Variants in SEMA5B observed in about 807,000 individuals in gnomAD.
The protein encoded by SEMA5B is semaphorin-5B.
A neutral mutation model predicts 135.0 loss-of-function variants in SEMA5B; 66 were observed. The ratio of observed to expected loss-of-function variants is 0.49; its 90% CI spans 0.40 to 0.60. The LOEUF (loss-of-function observed/expected upper bound fraction) is 0.60. Among genes scored for constraint, SEMA5B ranks in the 20% least tolerant of loss-of-function variants. SEMA5B has a pLI of 0.00. For missense variants in SEMA5B, 1,501 were observed against 1,566.3 expected, an observed-to-expected ratio of 0.96 and a Z score of 0.70; for synonymous variants, 690 against 639.5, an observed-to-expected ratio of 1.08 and a Z score of -1.19.
intron 1 of SEMA5B, among the ~76,000 whole-genome samples, chr3:122,968,653 T>A (rs1435816341): frequency 6.6e-6 from 1 of 152,170 alleles, no homozygotes; most frequent in Non-Finnish European, 1.5e-5. Context: ...GTTAATAATG[T>A]CTCTGTGGGC....
At chr3:122,978,341 G>A (rs549275920) in intron 1 of SEMA5B, among the ~76,000 whole-genome samples, 1 of 152,210 alleles carries the variant, frequency 6.6e-6, no homozygotes, top group Admixed American at 6.5e-5. Flanking sequence ...ACTGAGCTGG[G>A]GAAGCGAGCA....
Position 123,009,859 on chromosome 3 carries a change from G to A in SEMA5B, c.-39+17605C>T, listed in dbSNP as rs143261919. 2.4e-3 allele frequency among the ~76,000 whole-genome samples: 363 copies of A among 152,304 alleles called. 1 individual carries two copies. The highest frequency in any genetic ancestry group is 7.9e-3 in the African/African-American group (330 of 41,556). On this transcript the variant is annotated intron_variant, in intron 1 of 22. Coordinates refer to ENST00000357599, the MANE Select transcript of SEMA5B (RefSeq NM_001031702.4). ...TCGACACACATTTACTGAGGCCTTG[G>A]TGCCTGGCTTTGGGCTGGGCAAAGA...
Position 122,913,989 on chromosome 3 carries a change from C to T in SEMA5B, c.2001G>A (p.Trp667Ter), listed in dbSNP as rs1234258775. ...HIANCSRNGA[W>*]TPWSSWALCS... is the part of the protein sequence containing the mutation. ...ACAGCGCCCACGATGACCACGGGGT[C>T]CACGCCCCATTCCTGGCGGGGTGGG... The change falls in exon 15 of 23, where the codon TGG becomes TGA. Residue 667 changes from tryptophan (W) to a stop codon, truncating the protein, a stop_gained. Coordinates refer to ENST00000357599, the MANE Select transcript of SEMA5B (RefSeq NM_001031702.4). LOFTEE classifies it high-confidence loss of function. 1 of 1,597,058 alleles carries T rather than the reference C, an allele frequency of 6.3e-7. No homozygotes were observed. Among genetic ancestry groups the T allele is most frequent in the East Asian group, 2.2e-5 (1 of 44,652 alleles).
intron 9 of SEMA5B, 22 bp from the exon 10 acceptor site, chr3:122,923,774 C>T (rs779933339): frequency 8.7e-6 from 14 of 1,613,758 alleles, no homozygotes; most frequent in Admixed American, 6.7e-5. Flanking sequence ...GAAGTGGTGG[C>T]ACAGGGCCCT....
In SEMA5B at chr3:122,926,615, C is replaced by T. The variant is rs139156063; in HGVS notation, c.913G>A (p.Ala305Thr). ...LFAYFFLREN[A>T]VEHDCGRTVY... ...GTGCGTCCACAGTCGTGCTCCACTG[C>T]GTTCTCCCGCAGGAAGAAGTATGCA... Residue 305 changes from alanine (A) to threonine (T), a missense_variant, in exon 9 of 23, where the codon GCA (alanine) becomes ACA (threonine). This residue lies in a region of SEMA5B where 574 missense variants were observed against 684.7 expected (regional missense o/e 0.84). Transcript: ENST00000357599. The T allele has an allele frequency of 2.1e-5, 34 of 1,614,228 alleles. No individual in the cohort carries two copies. Among genetic ancestry groups the T allele is most frequent in the African/African-American group, 1.7e-4 (13 of 75,056 alleles).
Position 122,988,090 on chromosome 3 carries a change from C to A in SEMA5B, c.-38-26789G>T, listed in dbSNP as rs975363974. ...CCATGCAGAAACCCTGGCTGCTGGC[C>A]CCCAGCCACAGAGATCCTGATTCTC... On this transcript the variant is annotated intron_variant, in intron 1 of 22. Coordinates refer to ENST00000357599, the MANE Select transcript of SEMA5B (RefSeq NM_001031702.4). Among the ~76,000 whole-genome samples the A allele has an allele frequency of 2.0e-5, 3 of 152,124 alleles. No individual in the cohort carries two copies. In the East Asian group the frequency reaches 5.8e-4, roughly 29 times the overall value.
chr3:122,967,113 G>A (rs943170886), intron 1 of SEMA5B, among the ~76,000 whole-genome samples: 12 of 147,854 alleles, frequency 8.1e-5, no homozygotes, highest in Middle Eastern at 4.0e-3. Context: ...TTGAACCCCC[G>A]ACCTCAGGTG....
intron 9 of SEMA5B, among the ~76,000 whole-genome samples, chr3:122,925,570 A>G (rs533157366): frequency 1.3e-5 from 2 of 152,140 alleles, no homozygotes; most frequent in East Asian, 3.9e-4. Flanking sequence ...CTGGAGGCTG[A>G]GAGTCAGGAG....
chr3:122,919,088 G>C (rs12497402), intron 12 of SEMA5B, among the ~76,000 whole-genome samples: 1 of 148,732 alleles, frequency 6.7e-6, no homozygotes, highest in Non-Finnish European at 1.5e-5. Flanking sequence ...GTGTGACAGA[G>C]ATGGATGGTG....
At chr3:122,956,827 G>A (rs1940339588) in intron 2 of SEMA5B, among the ~76,000 whole-genome samples, 3 of 152,190 alleles carry the variant, frequency 2.0e-5, no homozygotes, top group Admixed American at 1.3e-4. Flanking sequence ...AGCAGCTGAT[G>A]TGAGTGCCCT....
intron 1 of SEMA5B, among the ~76,000 whole-genome samples, chr3:123,018,916 G>A (rs2107821788): frequency 6.6e-6 from 1 of 152,310 alleles, no homozygotes; most frequent in Non-Finnish European, 1.5e-5. Flanking sequence ...TGGAATCTTG[G>A]CAGCTGGTCA....
rs905650661 is a variant in SEMA5B, at chr3:123,027,624, C to T, written c.-199G>A. 6.6e-6 allele frequency: 1 copy of T among 152,180 alleles called. No homozygotes were observed. The highest frequency in any genetic ancestry group is 2.4e-5 in the African/African-American group (1 of 41,446). The allele number at this position is 152,180 out of a possible 1,614,324, so 9.4% of individuals were successfully genotyped here. ...TCAGCGCTCCGGTGCAGTCCCCACCCGGGCCCGCGCCCGCTGCGCTCGGGC... is the reference window on the plus strand; with the variant it reads ...TCAGCGCTCCGGTGCAGTCCCCACCTGGGCCCGCGCCCGCTGCGCTCGGGC... On this transcript the variant is annotated 5_prime_UTR_variant, in exon 1 of 23. Coordinates refer to ENST00000357599, the MANE Select transcript of SEMA5B (RefSeq NM_001031702.4).
At chr3:123,003,274 C>T (rs1942226992) in intron 1 of SEMA5B, among the ~76,000 whole-genome samples, 1 of 152,108 alleles carries the variant, frequency 6.6e-6, no homozygotes, top group African/African-American at 2.4e-5. Context: ...AAAAGTGCCC[C>T]CACTAAAACC....
rs1477264935 is a variant in SEMA5B at position 122,928,411 on chromosome 3, G to A, written c.636+106C>T. 4.2e-6 allele frequency: 3 copies of A among 714,362 alleles called. No homozygotes were observed. The East Asian group carries it at 8.3e-5, about 20-fold the overall frequency. The allele number at this position is 714,362 out of a possible 1,614,324, so 44.3% of individuals were successfully genotyped here. ...GGGTGTCCTTTTGTTTCTGTTTTGG[G>A]TGTCTGTTTGCAAAATTTGGTAACC... On this transcript the variant is annotated intron_variant, in intron 7 of 22. Coordinates refer to ENST00000357599, the MANE Select transcript of SEMA5B (RefSeq NM_001031702.4).
chr3:122,935,893 A>G (rs1437816465), intron 5 of SEMA5B, among the ~76,000 whole-genome samples: 1 of 151,462 alleles, frequency 6.6e-6, no homozygotes, highest in Non-Finnish European at 1.5e-5. Context: ...GGGTTTCACC[A>G]CGTTGGCCAG....
rs146925997 is a variant in SEMA5B at position 122,988,723 on chromosome 3, T to C, written c.-38-27422A>G. ...GGCCTTGGGGTGGGGCCTGGAAAGC[T>C]CTGCTGGGAGAATGGCCAGAAAAAC... On this transcript the variant is annotated intron_variant, in intron 1 of 22. Coordinates refer to ENST00000357599, the MANE Select transcript of SEMA5B (RefSeq NM_001031702.4). Among the ~76,000 whole-genome samples the C allele has an allele frequency of 9.8e-5, 15 of 152,322 alleles. No individual in the cohort carries two copies. The East Asian group carries it at 2.9e-3, about 29-fold the overall frequency.
chr3:122,981,122 G>A (rs1414237814), intron 1 of SEMA5B, among the ~76,000 whole-genome samples: 1 of 152,286 alleles, frequency 6.6e-6, no homozygotes, highest in Non-Finnish European at 1.5e-5. Context: ...GCTGGTGTGT[G>A]TTAAATGGAC....
At chr3:123,009,444 C>T (rs2107788203) in intron 1 of SEMA5B, among the ~76,000 whole-genome samples, 1 of 152,168 alleles carries the variant, frequency 6.6e-6, no homozygotes, top group South Asian at 2.1e-4. Context: ...AAATGTGTTC[C>T]CCCAAGCCTT....
At chr3:123,023,156 A>G (rs1476986517) in intron 1 of SEMA5B, among the ~76,000 whole-genome samples, 1 of 152,228 alleles carries the variant, frequency 6.6e-6, no homozygotes, top group Non-Finnish European at 1.5e-5. Context: ...CTGTCAATTC[A>G]ATGAAATTCC....
Sources: allele counts gnomAD v4.1 joint callset (sites outside exome capture counted in the v4.1 genomes callset), GRCh38; gene constraint gnomAD v4.1.1; regional missense constraint gnomAD v4.1.1; transcripts MANE v1.5; gene names NCBI Gene and HGNC (gene_info 2026-07-23, HGNC 2026-07-21).